Variants in XIRP2 observed in about 807,000 individuals in gnomAD.
XIRP2 encodes xin actin-binding repeat-containing protein 2.
XIRP2 carries 236 observed loss-of-function variants against 277.0 expected under a neutral mutation model. The observed-to-expected ratio is 0.85, with a 90% CI of 0.77 to 0.95. The LOEUF is 0.95. Ranked by LOEUF, XIRP2 falls within the 40% of genes least tolerant of loss-of-function variation. The pLI, the probability that XIRP2 is intolerant of heterozygous loss-of-function variation, is 0.00. For missense variants in XIRP2, 4,640 were observed against 4,157.5 expected, an observed-to-expected ratio of 1.12 and a Z score of -3.19; for synonymous variants, 1,490 against 1,416.5, an observed-to-expected ratio of 1.05 and a Z score of -1.17.
chr2:166,987,455 T>G (rs1687036347), intron 2 of XIRP2, among the ~76,000 whole-genome samples: 2 of 152,214 alleles, frequency 1.3e-5, no homozygotes, highest in Admixed American at 6.5e-5. Flanking sequence ...CAAACTCCAT[T>G]GCAAACAGTT....
intron 3 of XIRP2, among the ~76,000 whole-genome samples, chr2:167,203,457 C>T (rs1173023966): frequency 3.3e-5 from 5 of 152,150 alleles, no homozygotes; most frequent in African/African-American, 4.8e-5. Flanking sequence ...TAACACAATG[C>T]ATTTTGGGGG....
chr2:167,037,978 A>C (rs912980670), intron 2 of XIRP2, among the ~76,000 whole-genome samples: 3 of 152,044 alleles, frequency 2.0e-5, no homozygotes, highest in Admixed American at 2.0e-4. Context: ...AAAGGCAAGA[A>C]AAGTTAAATT....
In XIRP2 at chr2:167,248,050, T is replaced by G. The variant is rs1233527791; in HGVS notation, c.6658T>G (p.Ser2220Ala). ...GCTTTTGCCTGTAGAGCAAGACACA[T>G]CCAATGTAACAGAAATGAAAGTCTC... Reference protein sequence around the residue: ...WQLLPVEQDTSNVTEMKVSEK... With the variant: ...WQLLPVEQDTANVTEMKVSEK... The change falls in exon 9 of 11, where the codon TCC (serine) becomes GCC (alanine). Residue 2220 changes from serine to alanine, a missense_variant. Transcript: ENST00000409195. 1 of 1,613,372 alleles carries G rather than the reference T, an allele frequency of 6.2e-7. No homozygotes were observed. The highest frequency in any genetic ancestry group is 8.5e-7 in the Non-Finnish European group (1 of 1,179,732).
chr2:167,051,235 T>A (rs1368760337), intron 2 of XIRP2, among the ~76,000 whole-genome samples: 1 of 152,134 alleles, frequency 6.6e-6, no homozygotes, highest in Non-Finnish European at 1.5e-5. Context: ...TCTTGGAACA[T>A]GTAAGACACT....
rs189608674 is a variant in XIRP2, at chr2:167,217,944, A to G, written c.724-222A>G. ...AGAAGAATTAACTCAATACTTTGAAAATTCTTCTGACTTTATATCAAAAGA... is the reference window on the plus strand; with the variant it reads ...AGAAGAATTAACTCAATACTTTGAAGATTCTTCTGACTTTATATCAAAAGA... On this transcript the variant is annotated intron_variant, in intron 4 of 10. Coordinates refer to ENST00000409195, the MANE Select transcript of XIRP2 (RefSeq NM_152381.6). Among the ~76,000 whole-genome samples the G allele has an allele frequency of 2.3e-3, 352 of 152,306 alleles. 4 individuals carry two copies. The highest frequency in any genetic ancestry group is 8.2e-3 in the African/African-American group (342 of 41,568).
intron 3 of XIRP2, among the ~76,000 whole-genome samples, chr2:167,202,153 A>G (rs1559018865): frequency 1.3e-5 from 2 of 151,958 alleles, no homozygotes; most frequent in African/African-American, 4.8e-5. Flanking sequence ...AAATATGCAC[A>G]CTCTACAGGC....
At chr2:167,235,730 G>A (rs1237643911) in intron 5 of XIRP2, among the ~76,000 whole-genome samples, 1 of 151,712 alleles carries the variant, frequency 6.6e-6, no homozygotes, top group South Asian at 2.1e-4. Context: ...TCTTTAAGAG[G>A]GTATAATGAA....
At chr2:166,916,634 C>T (rs908631812) in intron 2 of XIRP2, among the ~76,000 whole-genome samples, 3 of 151,932 alleles carry the variant, frequency 2.0e-5, no homozygotes, top group African/African-American at 7.3e-5. Context: ...TCTCCTTTGC[C>T]TGAAAAAATG....
intron 2 of XIRP2, among the ~76,000 whole-genome samples, chr2:167,053,523 A>G (rs4419244): frequency 0.21 from 32,111 of 152,082 alleles, 3,621 homozygotes; most frequent in Middle Eastern, 0.38. Flanking sequence ...ATTATGACAT[A>G]AATGTCTAAT....
rs769667724 is a variant in XIRP2 at position 167,243,100 on chromosome 2, C to G, written c.1708C>G (p.Leu570Val). Reference sequence around the variant, plus strand: ...AGAATACTTGGAATGGGATGAAATTCTGAAGGGAGAGGTGCAGTCCATTAG... The same window carrying G: ...AGAATACTTGGAATGGGATGAAATTGTGAAGGGAGAGGTGCAGTCCATTAG... ...EREYLEWDEILKGEVQSIRWI... is the reference protein window; with the variant it reads ...EREYLEWDEIVKGEVQSIRWI... Residue 570 changes from leucine to valine, a missense_variant, in exon 9 of 11, where the codon CTG becomes GTG. By Grantham distance (32) the Leu-to-Val change is conservative. Coordinates refer to ENST00000409195, the MANE Select transcript of XIRP2 (RefSeq NM_152381.6). 1.6e-5 allele frequency: 26 copies of G among 1,613,950 alleles called. No individual in the cohort carries two copies. In the Admixed American group the frequency reaches 3.0e-4, roughly 19 times the overall value.
chr2:167,169,778 T>TC, intron 3 of XIRP2, among the ~76,000 whole-genome samples: 1 of 152,212 alleles, frequency 6.6e-6, no homozygotes, highest in Non-Finnish European at 1.5e-5. Flanking sequence ...GCTTGCCATA[T>TC]CTACTGGGTG....
At chr2:167,201,531 C>T (rs149014088) in intron 3 of XIRP2, among the ~76,000 whole-genome samples, 1 of 152,238 alleles carries the variant, frequency 6.6e-6, no homozygotes, top group Non-Finnish European at 1.5e-5. Context: ...TTTTCCCTTC[C>T]TTGCAGTTAA....
intron 2 of XIRP2, among the ~76,000 whole-genome samples, chr2:167,065,915 T>A (rs1689291471): frequency 6.6e-6 from 1 of 151,986 alleles, no homozygotes; most frequent in Non-Finnish European, 1.5e-5. Context: ...ACATGCATAG[T>A]TTCTTTTAAA....
intron 2 of XIRP2, among the ~76,000 whole-genome samples, chr2:167,106,126 C>T (rs1273228190): frequency 6.6e-6 from 1 of 151,570 alleles, no homozygotes; most frequent in Non-Finnish European, 1.5e-5. Context: ...TGCTGCTCCT[C>T]TTTTTGTCAT....
intron 5 of XIRP2, among the ~76,000 whole-genome samples, chr2:167,224,509 G>T (rs1288929463): frequency 6.6e-6 from 1 of 151,910 alleles, no homozygotes; most frequent in Non-Finnish European, 1.5e-5. Flanking sequence ...GCCTCCCAAA[G>T]TGCTGGAATT....
chr2:167,074,662 G>A (rs1245097560), intron 2 of XIRP2, among the ~76,000 whole-genome samples: 2 of 151,708 alleles, frequency 1.3e-5, no homozygotes, highest in Admixed American at 6.6e-5. Context: ...GTTTGTATGG[G>A]ACAGGCTCTC....
intron 1 of XIRP2, among the ~76,000 whole-genome samples, chr2:166,891,675 AT>A (rs548597881): frequency 1.3e-5 from 2 of 151,742 alleles, no homozygotes; most frequent in African/African-American, 2.4e-5. Flanking sequence ...TTGTCTTTTG[AT>A]TTTTTTTCTC....
rs1695483941 is a variant in XIRP2, at chr2:167,251,111, T to C, written c.9719T>C (p.Ile3240Thr). 2 of 1,613,516 alleles carry C rather than the reference T, an allele frequency of 1.2e-6. No homozygotes were observed. The highest frequency in any genetic ancestry group is 1.7e-6 in the Non-Finnish European group (2 of 1,179,710). Residue 3240 changes from isoleucine to threonine, a missense_variant, in exon 9 of 11, where the codon ATA (isoleucine) becomes ACA (threonine). Physicochemically the swap from Ile to Thr is moderately conservative, Grantham distance 89 (BLOSUM62 -1). Transcript: ENST00000409195. ...AGGGACTCTCCACCTACAATCACAA[T>C]ACCAGTAAATATAAATCATGCTGCT... The part of the protein sequence containing the change: ...RGRDSPPTIT[I>T]PVNINHAASG...
chr2:167,053,058 A>C (rs1181109998), intron 2 of XIRP2, among the ~76,000 whole-genome samples: 4 of 152,200 alleles, frequency 2.6e-5, no homozygotes, highest in African/African-American at 4.8e-5. Context: ...GAGGCTGCTC[A>C]TGATGTTTCT....
Sources: gnomAD v4.1 joint callset for allele counts (sites outside exome capture counted in the v4.1 genomes callset) on GRCh38, gnomAD v4.1.1 for gene constraint, MANE v1.5 for transcripts, NCBI Gene and HGNC (gene_info 2026-07-23, HGNC 2026-07-21) for gene names.